Variants in MIPOL1 observed in about 807,000 individuals in gnomAD.
The protein encoded by MIPOL1 is mirror-image polydactyly 1.
MIPOL1 carries 57 observed loss-of-function variants against 60.9 expected under a neutral mutation model. The observed-to-expected ratio is 0.94, with a 90% CI of 0.76 to 1.17. The LOEUF (loss-of-function observed/expected upper bound fraction) is 1.17, where lower values mean the gene tolerates loss of function less well. Ranked by LOEUF, MIPOL1 falls within the 50% of genes most tolerant of loss-of-function variation. MIPOL1 has a pLI of 0.00. For synonymous variants in MIPOL1, 179 were observed against 168.8 expected (o/e 1.06, Z -0.47); for missense variants, 551 against 511.6 (o/e 1.08, Z -0.74).
chr14:37,316,618 T>C lies in MIPOL1; in HGVS notation c.828+8099T>C, dbSNP rs529656277. The stretch of plus-strand genomic sequence containing the variant: ...GTTTTTTTTTTTTTCCTTTCTTTTT[T>C]TAATGGGATGTTCTAGCACATGTGG... On this transcript the variant is annotated intron_variant, in intron 9 of 12. Coordinates refer to ENST00000684589, the MANE Select transcript of MIPOL1 (RefSeq NM_001388067.1). Among the ~76,000 whole-genome samples the C allele has an allele frequency of 4.0e-5, 6 of 151,774 alleles. No individual in the cohort carries two copies. The South Asian group carries it at 1.2e-3, about 32-fold the overall frequency.
chr14:37,542,410 C>T (rs1174624367), intron 12 of MIPOL1, among the ~76,000 whole-genome samples: 5 of 152,050 alleles, frequency 3.3e-5, no homozygotes, highest in African/African-American at 7.2e-5. Flanking sequence ...CAGTTGCAAC[C>T]GAAAGTAAAA....
chr14:37,234,073 ATTGAAAGCTCT>A (rs1342749048), intron 1 of MIPOL1, among the ~76,000 whole-genome samples: 3 of 152,158 alleles, frequency 2.0e-5, no homozygotes, highest in Non-Finnish European at 4.4e-5. Context: ...TAAAATTTCC[ATTGAAAGCTCT>A]GCTGTTGTCT....
intron 3 of MIPOL1, among the ~76,000 whole-genome samples, chr14:37,257,894 C>G (rs1401040666): frequency 6.6e-6 from 1 of 152,128 alleles, no homozygotes; most frequent in Non-Finnish European, 1.5e-5. Context: ...CTGCAACAAT[C>G]CAGACGAGAG....
At position 37,335,509 on chromosome 14, in the gene MIPOL1, T is replaced by C. The variant is rs146418277; in HGVS notation, c.828+26990T>C. ...ACCTTATATAGGTGGAATCATACAG[T>C]GTTTGTCCTTTTGTGACTGGCTTAT... On this transcript the variant is annotated intron_variant, in intron 9 of 12. Coordinates refer to ENST00000684589, the MANE Select transcript of MIPOL1 (RefSeq NM_001388067.1). 1.8e-4 allele frequency among the ~76,000 whole-genome samples: 28 copies of C among 152,174 alleles called. No individual in the cohort carries two copies. The East Asian group carries it at 5.0e-3, about 27-fold the overall frequency.
At chr14:37,523,251 T>A (rs1287863861) in intron 12 of MIPOL1, among the ~76,000 whole-genome samples, 2 of 152,128 alleles carry the variant, frequency 1.3e-5, no homozygotes, top group African/African-American at 4.8e-5. Context: ...ATGATAAAAC[T>A]TAGCTTTGAT....
intron 6 of MIPOL1, chr14:37,277,418 A>T (rs1366097149): frequency 2.0e-5 from 3 of 151,254 alleles, no homozygotes; most frequent in Non-Finnish European, 4.5e-5. Context: ...TGCTTCAGGG[A>T]TAAACTTTTC....
chr14:37,349,795 C>G (rs1477967448), intron 9 of MIPOL1, among the ~76,000 whole-genome samples: 1 of 152,110 alleles, frequency 6.6e-6, no homozygotes, highest in Non-Finnish European at 1.5e-5. Flanking sequence ...AGAATGTGAA[C>G]TCCATGACAG....
At chr14:37,211,123 T>C (rs1966817887) in intron 1 of MIPOL1, among the ~76,000 whole-genome samples, 1 of 151,946 alleles carries the variant, frequency 6.6e-6, no homozygotes, top group Non-Finnish European at 1.5e-5. Context: ...AGGATAAAGA[T>C]GAAAACAAGC....
At chr14:37,258,173 T>C (rs2153372763) in intron 3 of MIPOL1, among the ~76,000 whole-genome samples, 1 of 152,322 alleles carries the variant, frequency 6.6e-6, no homozygotes. Flanking sequence ...TCTATTTTGT[T>C]TTCCAAATCT....
chr14:37,394,338 G>T (rs924678670), intron 10 of MIPOL1, among the ~76,000 whole-genome samples: 5 of 151,732 alleles, frequency 3.3e-5, no homozygotes, highest in Non-Finnish European at 7.4e-5. Flanking sequence ...GAATTTTCAC[G>T]CTGTTTTCCA....
intron 11 of MIPOL1, among the ~76,000 whole-genome samples, chr14:37,431,292 A>G (rs185960542): frequency 4.1e-4 from 62 of 152,292 alleles, no homozygotes; most frequent in East Asian, 9.7e-4. Flanking sequence ...AATTTAATTT[A>G]TAACGAGCTT....
At position 37,475,589 on chromosome 14, in the gene MIPOL1, A is replaced by G. The variant is rs192948680; in HGVS notation, c.1032-24319A>G. ...ATAGTCCTGTGGTCCATCTTGAGTT[A>G]CGTTTTGTGAAAAGTGCAAGGTCTT... On this transcript the variant is annotated intron_variant, in intron 11 of 12. Coordinates refer to ENST00000684589, the MANE Select transcript of MIPOL1 (RefSeq NM_001388067.1). 5.9e-5 allele frequency among the ~76,000 whole-genome samples: 9 copies of G among 152,140 alleles called. No homozygotes were observed. In the East Asian group the frequency reaches 1.7e-3, roughly 29 times the overall value.
intron 12 of MIPOL1, chr14:37,503,757 T>C (rs1172671847): frequency 6.6e-6 from 1 of 152,142 alleles, no homozygotes; most frequent in Admixed American, 6.5e-5. Flanking sequence ...CTCATAACAA[T>C]ATTAACCTTA....
intron 9 of MIPOL1, among the ~76,000 whole-genome samples, chr14:37,362,125 G>A (rs2092290456): frequency 6.6e-6 from 1 of 152,016 alleles, no homozygotes; most frequent in African/African-American, 2.4e-5. Flanking sequence ...GGTTAATATT[G>A]TTATGTGTGA....
chr14:37,469,317 A>G (rs1327224124), intron 11 of MIPOL1, among the ~76,000 whole-genome samples: 3 of 151,578 alleles, frequency 2.0e-5, no homozygotes, highest in Non-Finnish European at 4.4e-5. Context: ...CAGGAGGAAG[A>G]GAGAGAGAGA....
In MIPOL1 at chr14:37,268,803, G is replaced by A. The variant is rs761150884; in HGVS notation, c.387+10G>A. The stretch of plus-strand genomic sequence containing the variant: ...AACAAGCAATAAAAAGGTATAATAT[G>A]GAAAGTCTGATAATTGTATAGTATG... On this transcript the variant is annotated intron_variant, in intron 5 of 12. Coordinates refer to ENST00000684589, the MANE Select transcript of MIPOL1 (RefSeq NM_001388067.1). 5.8e-6 allele frequency: 9 copies of A among 1,546,948 alleles called. No homozygotes were observed. Among genetic ancestry groups the A allele is most frequent in the Non-Finnish European group, 7.9e-6 (9 of 1,140,028 alleles).
intron 11 of MIPOL1, among the ~76,000 whole-genome samples, chr14:37,437,931 A>G (rs2153564081): frequency 6.6e-6 from 1 of 151,992 alleles, no homozygotes; most frequent in Non-Finnish European, 1.5e-5. Flanking sequence ...ACTTTTTTTT[A>G]GCTTTTTAGG....
chr14:37,355,857 C>G (rs2091776465), intron 9 of MIPOL1, among the ~76,000 whole-genome samples: 1 of 149,480 alleles, frequency 6.7e-6, no homozygotes, highest in East Asian at 2.0e-4. Flanking sequence ...TTTGAATGTC[C>G]TCCTGTAGCT....
intron 9 of MIPOL1, among the ~76,000 whole-genome samples, chr14:37,332,173 A>C (rs1198914850): frequency 1.3e-5 from 2 of 150,596 alleles, no homozygotes; most frequent in Admixed American, 1.3e-4. Flanking sequence ...TTCCTATTCT[A>C]TATGATTCTA....
Sources: gnomAD v4.1 joint callset for allele counts (sites outside exome capture counted in the v4.1 genomes callset) on GRCh38, gnomAD v4.1.1 for gene constraint, MANE v1.5 for transcripts, NCBI Gene and HGNC (gene_info 2026-07-23, HGNC 2026-07-21) for gene names.